Variants in CPEB3 observed in about 807,000 individuals in gnomAD.
The protein encoded by CPEB3 is cytoplasmic polyadenylation element binding protein 3.
A neutral mutation model predicts 67.2 loss-of-function variants in CPEB3; 20 were observed. That is an observed-to-expected ratio of 0.30 (90% CI 0.21 to 0.43). CPEB3 has a LOEUF of 0.43. CPEB3 is among the 20% of genes least tolerant of loss of function. The probability of loss-of-function intolerance (pLI) is 1.00; values close to 1 mark genes in which losing one functional copy is unlikely to be tolerated. For missense variants in CPEB3, 746 were observed against 968.6 expected (o/e 0.77, Z 3.05); for synonymous variants, 376 against 393.1 (o/e 0.96, Z 0.51).
intron 1 of CPEB3, among the ~76,000 whole-genome samples, chr10:92,264,327 CAAA>C (rs1216678647): frequency 4.6e-5 from 4 of 86,646 alleles, no homozygotes; most frequent in African/African-American, 4.4e-5. Context: ...GACTCCATCT[CAAA>C]AAAAAAAAAA....
chr10:92,122,316 A>T (rs901878637), intron 6 of CPEB3, among the ~76,000 whole-genome samples: 1 of 152,340 alleles, frequency 6.6e-6, no homozygotes, highest in East Asian at 1.9e-4. Flanking sequence ...CGGCATGGAA[A>T]GGCCAAAGGG....
In CPEB3 at chr10:92,090,474, G is replaced by A. The variant is rs187147883; in HGVS notation, c.1687+1356C>T. Among the ~76,000 whole-genome samples the A allele has an allele frequency of 1.4e-3, 220 of 152,236 alleles. 1 individual carries two copies. The highest frequency in any genetic ancestry group is 2.7e-3 in the Non-Finnish European group (187 of 68,004). On this transcript the variant is annotated intron_variant, in intron 8 of 9. Transcript: ENST00000265997. ...GGAGAATCACTTGAACCCAGGAGGCGGAGGTTGCAGTGAGCCGAGATCATG... is the reference window on the plus strand; with the variant it reads ...GGAGAATCACTTGAACCCAGGAGGCAGAGGTTGCAGTGAGCCGAGATCATG...
chr10:92,089,737 C>T (rs751446711), intron 8 of CPEB3, among the ~76,000 whole-genome samples: 3 of 151,840 alleles, frequency 2.0e-5, no homozygotes, highest in Non-Finnish European at 4.4e-5. Context: ...GAGCTGAGAT[C>T]GGGCCATTGC....
At chr10:92,234,357 C>G (rs1426495408) in intron 2 of CPEB3, among the ~76,000 whole-genome samples, 1 of 152,106 alleles carries the variant, frequency 6.6e-6, no homozygotes, top group Non-Finnish European at 1.5e-5. Flanking sequence ...ACCGATGAAT[C>G]TTCATGGTGG....
At chr10:92,062,051 G>A (rs558774583) in intron 9 of CPEB3, among the ~76,000 whole-genome samples, 1 of 152,200 alleles carries the variant, frequency 6.6e-6, no homozygotes, top group South Asian at 2.1e-4. Context: ...AGACCAGTCT[G>A]GTTAACATGG....
At chr10:92,267,263 T>A (rs1853100667) in intron 1 of CPEB3, among the ~76,000 whole-genome samples, 1 of 152,192 alleles carries the variant, frequency 6.6e-6, no homozygotes, top group Admixed American at 6.5e-5. Context: ...TGTTACATAC[T>A]CTTCTTGTTC....
chr10:92,230,073 G>A (rs1014699811), intron 2 of CPEB3, among the ~76,000 whole-genome samples: 26 of 152,110 alleles, frequency 1.7e-4, no homozygotes, highest in South Asian at 4.2e-4. Context: ...TACTAGAATG[G>A]AGAATCCGTC....
chr10:92,126,939 A>T (rs1845630900), intron 6 of CPEB3, among the ~76,000 whole-genome samples: 1 of 152,212 alleles, frequency 6.6e-6, no homozygotes, highest in Non-Finnish European at 1.5e-5. Context: ...TAATGAACTC[A>T]TCATTTGCCA....
At chr10:92,138,509 A>C (rs1348121515) in intron 6 of CPEB3, 1 of 17,798 alleles carries the variant, frequency 5.6e-5, no homozygotes, top group Admixed American at 8.8e-4. Flanking sequence ...TTTTTGAGGC[A>C]AAAAAAAAAA....
chr10:92,117,733 T>C (rs1214348465), intron 6 of CPEB3, among the ~76,000 whole-genome samples: 1 of 132,248 alleles, frequency 7.6e-6, no homozygotes, highest in Non-Finnish European at 1.6e-5. Flanking sequence ...CTTAAATACA[T>C]AATTTTTCAT....
At chr10:92,155,950 T>C (rs186208031) in intron 4 of CPEB3, among the ~76,000 whole-genome samples, 2 of 152,292 alleles carry the variant, frequency 1.3e-5, no homozygotes, top group East Asian at 3.9e-4. Flanking sequence ...AAAAATAAGA[T>C]AATTTTTAAA....
At chr10:92,171,996 T>C (rs1848025332) in intron 4 of CPEB3, among the ~76,000 whole-genome samples, 1 of 152,126 alleles carries the variant, frequency 6.6e-6, no homozygotes, top group South Asian at 2.1e-4. Flanking sequence ...AAAGTGTCCA[T>C]TTAAAATAAA....
intron 6 of CPEB3, among the ~76,000 whole-genome samples, chr10:92,129,512 G>A (rs998311534): frequency 1.3e-5 from 2 of 152,142 alleles, no homozygotes; most frequent in African/African-American, 4.8e-5. Context: ...GGATGGTTCT[G>A]CTGTTCTGTT....
rs1353941446 is a variant in CPEB3, at chr10:92,048,681, A to C, written c.*3531T>G. Reference sequence around the variant, plus strand: ...ATTTTATTACCCAATTATCCATTACATTTCCAATCACTTTACATAACCAAG... The same window carrying C: ...ATTTTATTACCCAATTATCCATTACCTTTCCAATCACTTTACATAACCAAG... On this transcript the variant is annotated 3_prime_UTR_variant, in exon 10 of 10. Transcript: ENST00000265997. This position sits in a 1 kb window ranked among gnomAD's most constrained non-coding sequence, Gnocchi z 4.1. The C allele has an allele frequency of 3.9e-5, 6 of 152,604 alleles. No individual in the cohort carries two copies. The highest frequency in any genetic ancestry group is 8.8e-5 in the Non-Finnish European group (6 of 68,030). The allele number at this position is 152,604 out of a possible 1,614,324, so 9.5% of individuals were successfully genotyped here. A position where few individuals can be genotyped will look rare whatever the true frequency, so the allele number is the denominator to read the frequency against.
chr10:92,287,611 T>G (rs1489146919), intron 1 of CPEB3, among the ~76,000 whole-genome samples: 1 of 152,222 alleles, frequency 6.6e-6, no homozygotes, highest in African/African-American at 2.4e-5. Context: ...ATGCTTCTTT[T>G]CAGATACCCT....
At chr10:92,145,212 A>C in intron 4 of CPEB3, 127 bp from the exon 5 acceptor site, 1 of 992,562 alleles carries the variant, frequency 1.0e-6, no homozygotes, top group Non-Finnish European at 1.5e-6. Flanking sequence ...ACAAAAAAAA[A>C]GGTGTCCTGA....
At chr10:92,270,371 A>G (rs1275584370) in intron 1 of CPEB3, among the ~76,000 whole-genome samples, 1 of 152,106 alleles carries the variant, frequency 6.6e-6, no homozygotes, top group Non-Finnish European at 1.5e-5. Flanking sequence ...CAAAGGGAAT[A>G]CCATGCTTCT....
intron 1 of CPEB3, among the ~76,000 whole-genome samples, chr10:92,257,128 T>C (rs1034076697): frequency 5.3e-5 from 8 of 152,240 alleles, no homozygotes; most frequent in African/African-American, 1.9e-4. Flanking sequence ...TATGAAGACA[T>C]TCCATATTGA....
intron 2 of CPEB3, among the ~76,000 whole-genome samples, chr10:92,196,944 A>G (rs541823767): frequency 6.6e-6 from 1 of 151,708 alleles, no homozygotes; most frequent in East Asian, 1.9e-4. Context: ...AAAAAAAAAA[A>G]GGGTAGGGGA....
Sources: allele counts gnomAD v4.1 joint callset (sites outside exome capture counted in the v4.1 genomes callset), GRCh38; gene constraint gnomAD v4.1.1; non-coding constraint Gnocchi (gnomAD v3.1); transcripts MANE v1.5; gene names NCBI Gene and HGNC (gene_info 2026-07-23, HGNC 2026-07-21).